Variants in LIPC observed in about 807,000 individuals in gnomAD.
LIPC encodes the protein hepatic triacylglycerol lipase.
A neutral mutation model predicts 50.7 loss-of-function variants in LIPC; 44 were observed. The ratio of observed to expected loss-of-function variants is 0.87; its 90% CI spans 0.68 to 1.11. LIPC has a LOEUF of 1.11. Among genes scored for constraint, LIPC ranks in the 50% most tolerant of loss-of-function variants. The pLI is 0.00. For synonymous variants in LIPC, 271 were observed against 256.4 expected (o/e 1.06, Z -0.54); for missense variants, 697 against 648.2 (o/e 1.08, Z -0.82).
intron 4 of LIPC, among the ~76,000 whole-genome samples, chr15:58,543,853 C>T (rs1214071422): frequency 6.6e-6 from 1 of 152,172 alleles, no homozygotes; most frequent in African/African-American, 2.4e-5. Flanking sequence ...AACTCCCAAC[C>T]TCAGGTGATC....
At chr15:58,511,469 T>G (rs1892329094) in intron 1 of LIPC, among the ~76,000 whole-genome samples, 1 of 152,210 alleles carries the variant, frequency 6.6e-6, no homozygotes, top group Non-Finnish European at 1.5e-5. Context: ...TGGCATCAGA[T>G]GCTGCAGGAA....
At chr15:58,456,916 T>C (rs1894141958) in intron 1 of LIPC, among the ~76,000 whole-genome samples, 1 of 152,210 alleles carries the variant, frequency 6.6e-6, no homozygotes, top group African/African-American at 2.4e-5. Flanking sequence ...CTCGTTTATT[T>C]TACTAATAAG....
intron 8 of LIPC, among the ~76,000 whole-genome samples, chr15:58,568,073 T>C (rs1400573256): frequency 6.6e-6 from 1 of 152,186 alleles, no homozygotes; most frequent in Non-Finnish European, 1.5e-5. Flanking sequence ...TAGATATATA[T>C]TTAACAGATG....
chr15:58,436,702 T>C (rs1202621016), intron 1 of LIPC: 2 of 456,088 alleles, frequency 4.4e-6, no homozygotes, highest in African/African-American at 4.0e-5. Context: ...TGGCATGAGA[T>C]GAGGACCATG....
At chr15:58,565,337 GGC>G in intron 8 of LIPC, 1 of 1,532,570 alleles carries the variant, frequency 6.5e-7, no homozygotes, top group Non-Finnish European at 8.7e-7. Flanking sequence ...CAGTTTAGGT[GGC>G]TGCTCACCCT....
At chr15:58,448,954 A>G (rs1893802061) in intron 1 of LIPC, among the ~76,000 whole-genome samples, 1 of 152,226 alleles carries the variant, frequency 6.6e-6, no homozygotes. Flanking sequence ...GACAAAAACC[A>G]GGCTTGGGAC....
intron 7 of LIPC, among the ~76,000 whole-genome samples, chr15:58,562,286 G>T (rs1489755629): frequency 6.6e-6 from 1 of 152,358 alleles, no homozygotes; most frequent in Non-Finnish European, 1.5e-5. Flanking sequence ...GAGCAGACAG[G>T]GAAGCCAGAG....
chr15:58,551,594 A>C (rs1893761995), intron 6 of LIPC, among the ~76,000 whole-genome samples: 1 of 152,132 alleles, frequency 6.6e-6, no homozygotes, highest in African/African-American at 2.4e-5. Context: ...CCACAGCTAC[A>C]CCACTCCCTG....
intron 7 of LIPC, among the ~76,000 whole-genome samples, chr15:58,562,265 C>T (rs1894191977): frequency 6.6e-6 from 1 of 152,194 alleles, no homozygotes; most frequent in Admixed American, 6.5e-5. Flanking sequence ...CAATGTTATG[C>T]ACTGTGGGCT....
At chr15:58,509,493 G>A (rs1171876876) in intron 1 of LIPC, among the ~76,000 whole-genome samples, 1 of 152,168 alleles carries the variant, frequency 6.6e-6, no homozygotes, top group Non-Finnish European at 1.5e-5. Context: ...TCTACTCCAA[G>A]GATTGCTGTG....
chr15:58,502,558 T>G (rs1892022314), intron 1 of LIPC, among the ~76,000 whole-genome samples: 1 of 151,560 alleles, frequency 6.6e-6, no homozygotes, highest in Non-Finnish European at 1.5e-5. Flanking sequence ...TTAGCCTGCC[T>G]TAACTCTTGC....
At chr15:58,477,789 G>C (rs540997145) in intron 1 of LIPC, among the ~76,000 whole-genome samples, 5 of 152,166 alleles carry the variant, frequency 3.3e-5, no homozygotes, top group African/African-American at 1.2e-4. Context: ...TAAAATACTT[G>C]ATCTCCAGGG....
At chr15:58,528,238 C>T (rs1316458755) in intron 1 of LIPC, among the ~76,000 whole-genome samples, 1 of 152,146 alleles carries the variant, frequency 6.6e-6, no homozygotes. Context: ...CAGATTCCAG[C>T]TCCAGGGAGG....
intron 1 of LIPC, among the ~76,000 whole-genome samples, chr15:58,506,792 A>G (rs1350568152): frequency 6.6e-6 from 1 of 152,184 alleles, no homozygotes; most frequent in African/African-American, 2.4e-5. Context: ...GGGGTGTGTT[A>G]GTCCATTCTC....
chr15:58,438,042 G>A (rs1437936547), intron 1 of LIPC, among the ~76,000 whole-genome samples: 1 of 152,152 alleles, frequency 6.6e-6, no homozygotes, highest in East Asian at 1.9e-4. Context: ...AGAAACTGCA[G>A]GGCTGACGGT....
chr15:58,551,281 C>T (rs1394931120), intron 6 of LIPC, among the ~76,000 whole-genome samples: 1 of 152,204 alleles, frequency 6.6e-6, no homozygotes, highest in African/African-American at 2.4e-5. Context: ...CCACCCTGGG[C>T]ATGGCTGGAA....
chr15:58,527,488 G>C (rs548144653), intron 1 of LIPC, among the ~76,000 whole-genome samples: 1 of 152,154 alleles, frequency 6.6e-6, no homozygotes, highest in Non-Finnish European at 1.5e-5. Flanking sequence ...TCCCATCAGG[G>C]CCAGCCTTTG....
At chr15:58,506,316 T>C (rs533026980) in intron 1 of LIPC, among the ~76,000 whole-genome samples, 2 of 152,160 alleles carry the variant, frequency 1.3e-5, no homozygotes, top group Non-Finnish European at 2.9e-5. Flanking sequence ...AGAACAGAAA[T>C]AGAAGCCAGC....
rs1300578343 is a variant in LIPC at position 58,563,513 on chromosome 15, G to T, written c.1178G>T (p.Gly393Val). The change falls in exon 8 of 9, where the codon GGA (glycine) becomes GTA (valine). Residue 393 changes from glycine (G) to valine (V), a missense_variant. Transcript: ENST00000299022. ...TTCTTTGTGTATTCAAGGGGCAAAG[G>T]AATTGCTAGTAATAAAACGTATTCC... ...MQKIPITLGK[G>V]IASNKTYSFL... The T allele has an allele frequency of 4.3e-6, 7 of 1,613,756 alleles. No homozygotes were observed. Among genetic ancestry groups the T allele is most frequent in the Middle Eastern group, 1.7e-4 (1 of 6,060 alleles).
Sources: gnomAD v4.1 joint callset for allele counts (sites outside exome capture counted in the v4.1 genomes callset) on GRCh38, gnomAD v4.1.1 for gene constraint, MANE v1.5 for transcripts, NCBI Gene and HGNC (gene_info 2026-07-23, HGNC 2026-07-21) for gene names.